The following ARHGAP24 variants were observed in gnomAD, a reference collection of about 807,000 sequenced individuals.
ARHGAP24 encodes Rho GTPase activating protein 24, also known as rho GTPase-activating protein 24.
Under a neutral mutation model 76.4 loss-of-function variants are expected in ARHGAP24, and 50 were observed. That is an observed-to-expected ratio of 0.65 (90% confidence interval 0.52 to 0.83). The LOEUF is 0.83. ARHGAP24 is among the 40% of genes least tolerant of loss of function. ARHGAP24 has a pLI of 0.00. For synonymous variants in ARHGAP24, 345 were observed against 323.3 expected, an observed-to-expected ratio of 1.07 and a Z score of -0.72; for missense variants, 930 against 914.2, an observed-to-expected ratio of 1.02 and a Z score of -0.22.
At chr4:85,837,647 G>T (rs534886821) in intron 3 of ARHGAP24, among the ~76,000 whole-genome samples, 1 of 152,258 alleles carries the variant, frequency 6.6e-6, no homozygotes, top group South Asian at 2.1e-4. Context: ...TCTCATGGGG[G>T]TGGGGACTTG....
At chr4:85,598,031 A>C (rs575785913) in intron 2 of ARHGAP24, among the ~76,000 whole-genome samples, 2 of 152,238 alleles carry the variant, frequency 1.3e-5, no homozygotes, top group South Asian at 4.1e-4. Context: ...TTGGAGAATT[A>C]TTTCAAACTA....
At chr4:85,971,994 A>G in intron 5 of ARHGAP24, 42 bp from the exon 6 acceptor site, 3 of 1,613,802 alleles carry the variant, frequency 1.9e-6, no homozygotes, top group African/African-American at 1.3e-5. Context: ...GAATGGTATG[A>G]AGTTTACTCC....
intron 3 of ARHGAP24, among the ~76,000 whole-genome samples, chr4:85,837,012 T>G (rs967045039): frequency 1.3e-5 from 2 of 151,940 alleles, no homozygotes; most frequent in African/African-American, 4.8e-5. Flanking sequence ...GTGCAGGGAC[T>G]CCCTAAATAT....
At chr4:85,744,007 A>G (rs2601858) in intron 3 of ARHGAP24, among the ~76,000 whole-genome samples, 142,952 of 152,200 alleles carry the variant, frequency 0.94, 67,818 homozygotes, top group East Asian at 1. Flanking sequence ...CTATGGAATT[A>G]TTGTTTGGTA....
chr4:85,829,722 G>T (rs1729892639), intron 3 of ARHGAP24, among the ~76,000 whole-genome samples: 1 of 152,184 alleles, frequency 6.6e-6, no homozygotes, highest in South Asian at 2.1e-4. Flanking sequence ...TGTACAGGAA[G>T]GCCTTGTGTA....
At chr4:85,539,778 T>G (rs1725606449) in intron 1 of ARHGAP24, among the ~76,000 whole-genome samples, 1 of 152,136 alleles carries the variant, frequency 6.6e-6, no homozygotes, top group African/African-American at 2.4e-5. Context: ...GTTTACAATA[T>G]GGAAAATAAT....
At chr4:85,796,286 C>T (rs968848481) in intron 3 of ARHGAP24, among the ~76,000 whole-genome samples, 1 of 151,944 alleles carries the variant, frequency 6.6e-6, no homozygotes, top group Non-Finnish European at 1.5e-5. Flanking sequence ...TCCTAAGTAG[C>T]TGAGAAAAAA....
rs567477532 is a variant in ARHGAP24, at chr4:85,865,009, A to G, written c.269-58639A>G. Among the ~76,000 whole-genome samples, 17 of 152,202 alleles carry G rather than the reference A, an allele frequency of 1.1e-4. No homozygotes were observed. The South Asian group carries it at 3.3e-3, about 30-fold the overall frequency. On this transcript the variant is annotated intron_variant, in intron 3 of 9. Coordinates refer to ENST00000395184, the MANE Select transcript of ARHGAP24 (RefSeq NM_001025616.3). Reference sequence around the variant, plus strand: ...TCATCTCCCTTCTTCATGTGGTGTCATGGCCTTGTAAGCAAAAGGACCTAA... The same window carrying G: ...TCATCTCCCTTCTTCATGTGGTGTCGTGGCCTTGTAAGCAAAAGGACCTAA...
chr4:85,503,107 G>A (rs1341794528), intron 1 of ARHGAP24, among the ~76,000 whole-genome samples: 1 of 152,168 alleles, frequency 6.6e-6, no homozygotes, highest in Non-Finnish European at 1.5e-5. Flanking sequence ...ATGTTCTGCT[G>A]GATTCAGTTT....
chr4:85,685,646 A>G (rs1224193904), intron 2 of ARHGAP24, among the ~76,000 whole-genome samples: 1 of 140,520 alleles, frequency 7.1e-6, no homozygotes, highest in Admixed American at 7.2e-5. Flanking sequence ...AAAAAAAAAA[A>G]AGAAAAGAAA....
chr4:85,694,439 A>G (rs1006686803), intron 2 of ARHGAP24, among the ~76,000 whole-genome samples: 2 of 152,176 alleles, frequency 1.3e-5, no homozygotes, highest in Non-Finnish European at 2.9e-5. Flanking sequence ...TATCTGTCCT[A>G]TTCACCACGG....
At chr4:85,985,769 C>G (rs1739946087) in intron 8 of ARHGAP24, among the ~76,000 whole-genome samples, 1 of 152,284 alleles carries the variant, frequency 6.6e-6, no homozygotes, top group Admixed American at 6.5e-5. Context: ...GCTCATGCCT[C>G]CTAATCATTT....
At chr4:85,945,427 T>C (rs2148827352) in intron 5 of ARHGAP24, among the ~76,000 whole-genome samples, 1 of 152,138 alleles carries the variant, frequency 6.6e-6, no homozygotes, top group Non-Finnish European at 1.5e-5. Flanking sequence ...GCAACGAGTG[T>C]AAATAACAAA....
intron 1 of ARHGAP24, among the ~76,000 whole-genome samples, chr4:85,534,413 G>C (rs2076144897): frequency 6.6e-6 from 1 of 152,148 alleles, no homozygotes; most frequent in African/African-American, 2.4e-5. Flanking sequence ...GGCTGGGCTG[G>C]CATTCTCACC....
At chr4:85,869,163 A>T (rs1359999877) in intron 3 of ARHGAP24, among the ~76,000 whole-genome samples, 1 of 152,090 alleles carries the variant, frequency 6.6e-6, no homozygotes, top group Non-Finnish European at 1.5e-5. Context: ...ACTTGCCCAT[A>T]ATGTTGAAAA....
intron 2 of ARHGAP24, among the ~76,000 whole-genome samples, chr4:85,683,111 G>C (rs1437790343): frequency 9.9e-5 from 10 of 101,060 alleles, no homozygotes; most frequent in Non-Finnish European, 1.6e-4. Context: ...TCAGTGTGTG[G>C]GGGGGTGGGG....
intron 3 of ARHGAP24, among the ~76,000 whole-genome samples, chr4:85,744,242 T>C (rs995429678): frequency 4.6e-5 from 7 of 152,218 alleles, no homozygotes; most frequent in Admixed American, 4.6e-4. Context: ...ACTTTACTTG[T>C]AATACCACAA....
At chr4:85,817,913 A>T (rs1729309244) in intron 3 of ARHGAP24, among the ~76,000 whole-genome samples, 1 of 152,208 alleles carries the variant, frequency 6.6e-6, no homozygotes, top group Non-Finnish European at 1.5e-5. Flanking sequence ...ATGTTATAAT[A>T]TTGACCACTT....
At chr4:85,578,519 T>G (rs954473346) in intron 2 of ARHGAP24, among the ~76,000 whole-genome samples, 1 of 152,362 alleles carries the variant, frequency 6.6e-6, no homozygotes, top group Admixed American at 6.5e-5. Context: ...GTCCACTTGT[T>G]TTTTTGTGCA....
Sources: gnomAD v4.1 joint callset for allele counts (sites outside exome capture counted in the v4.1 genomes callset) on GRCh38, gnomAD v4.1.1 for gene constraint, MANE v1.5 for transcripts, NCBI Gene and HGNC (gene_info 2026-07-23, HGNC 2026-07-21) for gene names.